The following DOCK1 variants were observed in gnomAD, a reference collection of about 807,000 sequenced individuals.
DOCK1 encodes the protein dedicator of cytokinesis 1.
A neutral mutation model predicts 262.7 loss-of-function variants in DOCK1; 138 were observed. The observed-to-expected ratio is 0.53, with a 90% CI of 0.46 to 0.61. The LOEUF is 0.61. Ranked by LOEUF, DOCK1 falls within the 20% of genes least tolerant of loss-of-function variation. The pLI is 0.00. For missense variants in DOCK1, 1,908 were observed against 2,370.7 expected (o/e 0.80, Z 4.05); for synonymous variants, 866 against 867.4 (o/e 1.00, Z 0.03).
chr10:127,114,901 C>T (rs1295933318), intron 25 of DOCK1, among the ~76,000 whole-genome samples: 2 of 151,936 alleles, frequency 1.3e-5, no homozygotes, highest in South Asian at 2.1e-4. Context: ...GTACTACAGG[C>T]GCATGCCACT....
intron 29 of DOCK1, among the ~76,000 whole-genome samples, chr10:127,292,817 G>A (rs547595125): frequency 2.6e-5 from 4 of 152,246 alleles, no homozygotes; most frequent in African/African-American, 7.2e-5. Flanking sequence ...AGGAAAACCT[G>A]CCGATGATGT....
At chr10:127,281,144 T>C (rs1311544708) in intron 29 of DOCK1, among the ~76,000 whole-genome samples, 1 of 152,218 alleles carries the variant, frequency 6.6e-6, no homozygotes, top group Non-Finnish European at 1.5e-5. Flanking sequence ...GCCTCACTCA[T>C]ACAGTTTTAT....
In DOCK1 at chr10:127,428,742, G is replaced by A. The variant is rs549112212; in HGVS notation, c.4914+2731G>A. Among the ~76,000 whole-genome samples the A allele has an allele frequency of 2.1e-3, 302 of 146,836 alleles. 3 individuals carry two copies. Among genetic ancestry groups the A allele is most frequent in the Middle Eastern group, 0.012 (3 of 246 alleles). Reference sequence around the variant, plus strand: ...TGGATTGTGGTGTCCTGTGGATTGGGGTGCTGTGTGGATTGGGGTACCGTG... The same window carrying A: ...TGGATTGTGGTGTCCTGTGGATTGGAGTGCTGTGTGGATTGGGGTACCGTG... On this transcript the variant is annotated intron_variant, in intron 47 of 51. Coordinates refer to ENST00000623213, the MANE Select transcript of DOCK1 (RefSeq NM_001290223.2).
intron 29 of DOCK1, among the ~76,000 whole-genome samples, chr10:127,270,326 C>G (rs373761389): frequency 1.3e-5 from 2 of 152,238 alleles, no homozygotes; most frequent in East Asian, 3.8e-4. Context: ...GAATTCCTTA[C>G]TGTGCAGAGC....
intron 29 of DOCK1, among the ~76,000 whole-genome samples, chr10:127,281,606 G>A (rs994527300): frequency 6.6e-6 from 1 of 152,124 alleles, no homozygotes; most frequent in Admixed American, 6.5e-5. Context: ...TTAGAGATGA[G>A]GTTCCTCCTT....
chr10:127,190,185 C>A (rs1376519980), intron 27 of DOCK1, among the ~76,000 whole-genome samples: 1 of 152,230 alleles, frequency 6.6e-6, no homozygotes, highest in East Asian at 1.9e-4. Flanking sequence ...TTCTACCCAA[C>A]TGAATTTTCA....
At chr10:127,099,964 C>G (rs916505057) in intron 23 of DOCK1, among the ~76,000 whole-genome samples, 3 of 152,134 alleles carry the variant, frequency 2.0e-5, no homozygotes, top group African/African-American at 7.2e-5. Flanking sequence ...AGCCTCTGAG[C>G]TGGCAGAGGG....
At chr10:127,168,441 C>T (rs1327453929) in intron 27 of DOCK1, among the ~76,000 whole-genome samples, 1 of 152,244 alleles carries the variant, frequency 6.6e-6, no homozygotes, top group Non-Finnish European at 1.5e-5. Context: ...TTTCTCTCTG[C>T]TGCTCACAAT....
intron 1 of DOCK1, among the ~76,000 whole-genome samples, chr10:126,934,638 C>A (rs1029949305): frequency 1.3e-5 from 2 of 151,982 alleles, no homozygotes; most frequent in African/African-American, 2.4e-5. Flanking sequence ...TTGTTTTTTT[C>A]CTGTTGAAAA....
chr10:127,061,339 C>T (rs2045516239), intron 22 of DOCK1, among the ~76,000 whole-genome samples: 3 of 152,210 alleles, frequency 2.0e-5, no homozygotes, highest in South Asian at 4.1e-4. Flanking sequence ...CATCCTCTTT[C>T]CCTCCTTCTC....
At chr10:127,394,794 C>G (rs1200035844) in intron 38 of DOCK1, among the ~76,000 whole-genome samples, 1 of 152,156 alleles carries the variant, frequency 6.6e-6, no homozygotes, top group Non-Finnish European at 1.5e-5. Flanking sequence ...CCAGTGCCGT[C>G]CTGCGCCGTG....
At chr10:127,235,786 TTG>T (rs2059026144) in intron 27 of DOCK1, among the ~76,000 whole-genome samples, 1 of 51,296 alleles carries the variant, frequency 1.9e-5, no homozygotes, top group Non-Finnish European at 5.6e-5. Flanking sequence ...TTTGTGGTGG[TTG>T]TTTTTTTTTT....
At chr10:127,165,655 G>A (rs2054009250) in intron 27 of DOCK1, among the ~76,000 whole-genome samples, 1 of 152,126 alleles carries the variant, frequency 6.6e-6, no homozygotes, top group South Asian at 2.1e-4. Context: ...ATATGAGGAA[G>A]GAAGAGCCAG....
intron 11 of DOCK1, among the ~76,000 whole-genome samples, chr10:127,009,337 T>C (rs1424768395): frequency 6.6e-6 from 1 of 152,216 alleles, no homozygotes; most frequent in Non-Finnish European, 1.5e-5. Context: ...CTGAAGTCTT[T>C]AAAGAGGCAC....
rs538792856 is a variant in DOCK1, at chr10:127,176,236, C to T, written c.2847+48472C>T. 1.2e-5 allele frequency: 20 copies of T among 1,613,980 alleles called. No individual in the cohort carries two copies. The highest frequency in any genetic ancestry group is 1.0e-4 in the Admixed American group (6 of 60,000). On this transcript the variant is annotated intron_variant, in intron 27 of 51. Transcript: ENST00000623213. The surrounding 1 kb of genome is among the most constrained non-coding windows in gnomAD (Gnocchi z 4.4). Reference sequence around the variant, plus strand: ...GTGTCCCTCTGCTCATTCTGTGCCTCGCAGATATCCTTAAACCGCACCTGC... The same window carrying T: ...GTGTCCCTCTGCTCATTCTGTGCCTTGCAGATATCCTTAAACCGCACCTGC...
At position 126,957,073 on chromosome 10, in the gene DOCK1, G is replaced by T. The variant is rs1395344430; in HGVS notation, c.47-13629G>T. On this transcript the variant is annotated intron_variant, in intron 1 of 51. Coordinates refer to ENST00000623213, the MANE Select transcript of DOCK1 (RefSeq NM_001290223.2). ...GCGGGGAAGGGGTCTCTGCAAGGGGGTCCTCTCCAGCAGCCTGTGCCAACA... is the reference window on the plus strand; with the variant it reads ...GCGGGGAAGGGGTCTCTGCAAGGGGTTCCTCTCCAGCAGCCTGTGCCAACA... Among the ~76,000 whole-genome samples the T allele has an allele frequency of 2.6e-5, 4 of 152,316 alleles. No individual in the cohort carries two copies. The East Asian group carries it at 5.8e-4, about 22-fold the overall frequency.
chr10:127,318,122 T>C (rs145991577), intron 29 of DOCK1, among the ~76,000 whole-genome samples: 16 of 152,344 alleles, frequency 1.1e-4, no homozygotes, highest in African/African-American at 3.8e-4. Context: ...TTCAGTGATA[T>C]TCAAAGTGAA....
chr10:127,084,664 G>A (rs2047094216), intron 23 of DOCK1, among the ~76,000 whole-genome samples: 2 of 152,220 alleles, frequency 1.3e-5, no homozygotes, highest in Admixed American at 6.5e-5. Context: ...GGGTTTACAT[G>A]AGGGAATGGA....
At chr10:127,087,755 C>G (rs2047281112) in intron 23 of DOCK1, among the ~76,000 whole-genome samples, 1 of 152,062 alleles carries the variant, frequency 6.6e-6, no homozygotes, top group Admixed American at 6.6e-5. Flanking sequence ...CGAAGTAGAA[C>G]CAAAATAATT....
Sources: allele counts gnomAD v4.1 joint callset (sites outside exome capture counted in the v4.1 genomes callset), GRCh38; gene constraint gnomAD v4.1.1; non-coding constraint Gnocchi (gnomAD v3.1); transcripts MANE v1.5; gene names NCBI Gene and HGNC (gene_info 2026-07-23, HGNC 2026-07-21).